Variants in PRH1 observed in about 807,000 individuals in gnomAD.
PRH1 encodes the protein salivary acidic proline-rich phosphoprotein 1/2.
A neutral mutation model predicts 7.9 loss-of-function variants in PRH1; 7 were observed. That is an observed-to-expected ratio of 0.89 (90% CI 0.50 to 1.67). The LOEUF is 1.67. Ranked by LOEUF, PRH1 falls within the 40% of genes most tolerant of loss-of-function variation. The pLI, the probability that PRH1 is intolerant of heterozygous loss-of-function variation, is 0.00. For missense variants in PRH1, 109 were observed against 223.6 expected (o/e 0.49, Z 3.27); for synonymous variants, 45 against 80.8 (o/e 0.56, Z 2.38).
At chr12:11,044,023 G>T (rs1942817438) in intron 1 of PRH1, among the ~76,000 whole-genome samples, 1 of 152,096 alleles carries the variant, frequency 6.6e-6, no homozygotes, top group Non-Finnish European at 1.5e-5. Context: ...GAGGAATCAT[G>T]TTACCTGACT....
intron 1 of PRH1, among the ~76,000 whole-genome samples, chr12:11,140,906 T>C (rs1444537669): frequency 1.3e-5 from 2 of 152,110 alleles, no homozygotes; most frequent in Non-Finnish European, 2.9e-5. Context: ...GCCAGTAATA[T>C]GTAGAGTGAA....
At chr12:10,965,858 A>G (rs1383332886) in intron 2 of PRH1, among the ~76,000 whole-genome samples, 2 of 152,226 alleles carry the variant, frequency 1.3e-5, no homozygotes, top group Admixed American at 6.5e-5. Context: ...TTTATGCTAG[A>G]TTTAAATAGA....
intron 1 of PRH1, among the ~76,000 whole-genome samples, chr12:11,102,368 G>C (rs1279032564): frequency 6.6e-6 from 1 of 152,188 alleles, no homozygotes; most frequent in South Asian, 2.1e-4. Flanking sequence ...GAACAGAACA[G>C]AGCCCTCACA....
At chr12:11,026,376 T>A (rs182560718) in intron 1 of PRH1, among the ~76,000 whole-genome samples, 2 of 148,350 alleles carry the variant, frequency 1.3e-5, no homozygotes, top group Non-Finnish European at 3.0e-5. Context: ...CTTCGGCTCA[T>A]GTCCATTCCA....
In PRH1 at chr12:11,104,436, A is replaced by G. The variant is rs555494891; in HGVS notation, n.124-57248T>C. ...ACAGTAAATGTATTTTTCCATCTTGATAATTCCTCTCACATCTGTATTATT... is the reference window on the plus strand; with the variant it reads ...ACAGTAAATGTATTTTTCCATCTTGGTAATTCCTCTCACATCTGTATTATT... On this transcript the variant is annotated intron_variant and non_coding_transcript_variant, in intron 1 of 4. Coordinates refer to the PRH1 transcript ENST00000541977. 9.7e-5 allele frequency among the ~76,000 whole-genome samples: 8 copies of G among 82,258 alleles called. No individual in the cohort carries two copies. The East Asian group carries it at 1.9e-3, about 20-fold the overall frequency. 54.0% of individuals were successfully genotyped at this position (82,258 alleles called of 152,430 possible). A position where few individuals can be genotyped will look rare whatever the true frequency, so the allele number is the denominator to read the frequency against.
chr12:11,082,227 T>C (rs1291856799), intron 1 of PRH1, among the ~76,000 whole-genome samples: 1 of 116,528 alleles, frequency 8.6e-6, no homozygotes, highest in Non-Finnish European at 2.0e-5. Context: ...TGTTATTTAA[T>C]AAATGTGATT....
chr12:11,003,049 A>G (rs1239600225), intron 1 of PRH1, among the ~76,000 whole-genome samples: 1 of 152,056 alleles, frequency 6.6e-6, no homozygotes, highest in Non-Finnish European at 1.5e-5. Flanking sequence ...GTCTATTGCA[A>G]TATAGTTGTT....
intron 2 of PRH1, among the ~76,000 whole-genome samples, chr12:10,921,661 T>C (rs916845539): frequency 2.0e-5 from 3 of 152,218 alleles, no homozygotes; most frequent in African/African-American, 4.8e-5. Context: ...TTGATTTTGG[T>C]TGACATCCAA....
intron 1 of PRH1, among the ~76,000 whole-genome samples, chr12:11,033,222 C>T (rs1942301082): frequency 6.6e-6 from 1 of 152,074 alleles, no homozygotes; most frequent in Admixed American, 6.5e-5. Context: ...CAAAAATTAG[C>T]AGGGCATGGT....
At chr12:10,961,055 A>G (rs1938214625) in intron 2 of PRH1, among the ~76,000 whole-genome samples, 1 of 152,180 alleles carries the variant, frequency 6.6e-6, no homozygotes, top group South Asian at 2.1e-4. Context: ...CATAACAGCT[A>G]TAGGGTCTGG....
chr12:11,079,221 T>A (rs1944416034), intron 1 of PRH1: 1 of 117,476 alleles, frequency 8.5e-6, no homozygotes. Context: ...ACAGGCAGGG[T>A]GACTACCTTG....
intron 2 of PRH1, among the ~76,000 whole-genome samples, chr12:10,966,911 C>A (rs933158767): frequency 2.0e-5 from 3 of 152,096 alleles, no homozygotes; most frequent in African/African-American, 4.8e-5. Context: ...ATCAGGGGAT[C>A]GAGACCATCC....
intron 1 of PRH1, among the ~76,000 whole-genome samples, chr12:11,042,507 G>C (rs1407043663): frequency 2.2e-5 from 2 of 90,226 alleles, no homozygotes; most frequent in Non-Finnish European, 5.0e-5. Flanking sequence ...AAAAAAAAAA[G>C]CCTGGGAGCA....
chr12:11,021,202 C>G (rs796158874), intron 1 of PRH1, among the ~76,000 whole-genome samples: 1 of 110,006 alleles, frequency 9.1e-6, no homozygotes, highest in African/African-American at 3.0e-5. Context: ...AAAACCTACC[C>G]CAAAGATCCA....
At chr12:10,955,831 A>G (rs1421465872) in intron 2 of PRH1, among the ~76,000 whole-genome samples, 1 of 152,176 alleles carries the variant, frequency 6.6e-6, no homozygotes, top group Non-Finnish European at 1.5e-5. Context: ...AACCTAGAAG[A>G]AATGGATAAA....
intron 2 of PRH1, among the ~76,000 whole-genome samples, chr12:10,919,773 T>G (rs1390793882): frequency 6.6e-6 from 1 of 152,102 alleles, no homozygotes; most frequent in Non-Finnish European, 1.5e-5. Flanking sequence ...GTCTTTAGTT[T>G]GATCTGCTGA....
chr12:11,004,889 T>G (rs979699525), intron 1 of PRH1, among the ~76,000 whole-genome samples: 12 of 152,142 alleles, frequency 7.9e-5, no homozygotes. Flanking sequence ...AAAAATAGTC[T>G]ATAAGTTTAA....
rs1448434845 is a variant in PRH1 at position 11,082,859 on chromosome 12, CTTT to C, written n.124-35674_124-35672del. ...ATGAAGTGTATAAGCTTCATTTCAT[CTTT>C]TAATAGCATCACTAACAAGTTAAAT... On this transcript the variant is annotated intron_variant and non_coding_transcript_variant, in intron 1 of 4. Transcript: ENST00000541977. Among the ~76,000 whole-genome samples, 2 of 115,818 alleles carry C rather than the reference CTTT, an allele frequency of 1.7e-5. 1 individual carries two copies. The highest frequency in any genetic ancestry group is 5.8e-5 in the African/African-American group (2 of 34,588). 76.0% of individuals were successfully genotyped at this position (115,818 alleles called of 152,430 possible). A position where few individuals can be genotyped will look rare whatever the true frequency, so the allele number is the denominator to read the frequency against.
rs755820351 is a variant in PRH1, at chr12:11,081,678, T to G, written n.124-34490A>C. Reference sequence around the variant, plus strand: ...ACTACCTCTCAAAATATCATTGCAATAGATAAAATATATTTCACCAACCAC... The same window carrying G: ...ACTACCTCTCAAAATATCATTGCAAGAGATAAAATATATTTCACCAACCAC... On this transcript the variant is annotated intron_variant and non_coding_transcript_variant, in intron 1 of 4. Coordinates refer to the PRH1 transcript ENST00000541977. 8.6e-5 allele frequency among the ~76,000 whole-genome samples: 10 copies of G among 115,914 alleles called. 2 individuals are homozygous for G. The highest frequency in any genetic ancestry group is 1.2e-4 in the African/African-American group (4 of 34,698). 76.0% of individuals were successfully genotyped at this position (115,914 alleles called of 152,430 possible).
Sources: gnomAD v4.1 joint callset for allele counts (sites outside exome capture counted in the v4.1 genomes callset) on GRCh38, gnomAD v4.1.1 for gene constraint, MANE v1.5 for transcripts, NCBI Gene and HGNC (gene_info 2026-07-23, HGNC 2026-07-21) for gene names.